PRLR: variants seen among roughly 807,000 people sequenced by gnomAD.
PRLR encodes the protein hPRL receptor.
PRLR carries 13 observed loss-of-function variants against 40.2 expected under a neutral mutation model. The observed-to-expected ratio is 0.32, with a 90% confidence interval of 0.21 to 0.51. The LOEUF (loss-of-function observed/expected upper bound fraction) is 0.51, where lower values mean the gene tolerates loss of function less well. PRLR is among the 20% of genes least tolerant of loss of function. The pLI is 0.97. For missense variants in PRLR, 656 were observed against 747.3 expected (o/e 0.88, Z 1.42); for synonymous variants, 269 against 278.7 (o/e 0.97, Z 0.35).
At chr5:35,132,109 C>T (rs1274886942) in intron 1 of PRLR, among the ~76,000 whole-genome samples, 1 of 152,164 alleles carries the variant, frequency 6.6e-6, no homozygotes, top group Non-Finnish European at 1.5e-5. Flanking sequence ...CCAGAAAAGT[C>T]ACTTATCTCT....
intron 1 of PRLR, among the ~76,000 whole-genome samples, chr5:35,159,718 G>A (rs1035328513): frequency 1.3e-5 from 2 of 152,114 alleles, no homozygotes; most frequent in African/African-American, 4.8e-5. Context: ...GAGTTTGGGG[G>A]CATTTTCTGT....
chr5:35,107,560 C>T (rs762121536), intron 2 of PRLR, among the ~76,000 whole-genome samples: 1 of 152,116 alleles, frequency 6.6e-6, no homozygotes, highest in Admixed American at 6.6e-5. Context: ...ACCAATCCCA[C>T]AGAAATACAA....
At chr5:35,068,065 T>G in intron 9 of PRLR, 151 bp downstream of exon 9, 1 of 669,978 alleles carries the variant, frequency 1.5e-6, no homozygotes, top group Non-Finnish European at 2.6e-6. Context: ...TCACACAACT[T>G]TCTGTTAACA....
intron 5 of PRLR, among the ~76,000 whole-genome samples, chr5:35,075,516 G>C (rs1387103401): frequency 6.6e-6 from 1 of 152,212 alleles, no homozygotes; most frequent in Non-Finnish European, 1.5e-5. Flanking sequence ...CCTGAGGCTT[G>C]AGATTGTAAA....
rs533161073 is a variant in PRLR at position 35,100,499 on chromosome 5, G to GTA, written c.-43-10837_-43-10836insTA. Among the ~76,000 whole-genome samples the GTA allele has an allele frequency of 2.0e-4, 30 of 152,224 alleles. No homozygotes were observed. In the East Asian group the frequency reaches 5.8e-3, roughly 29 times the overall value. ...TTTTACTATACCTTTCCTATGTTTA[G>GTA]ATACACAAATACTTACCATTGTGTT... On this transcript the variant is annotated intron_variant, in intron 2 of 9. Transcript: ENST00000618457.
chr5:35,137,432 T>A (rs557412921), intron 1 of PRLR, among the ~76,000 whole-genome samples: 1 of 152,108 alleles, frequency 6.6e-6, no homozygotes, highest in South Asian at 2.1e-4. Context: ...ATGCAGTGAG[T>A]TTCAGCCATT....
At position 35,114,925 on chromosome 5, in the gene PRLR, C is replaced by A. The variant is rs112972341; in HGVS notation, c.-44+3136G>T. Among the ~76,000 whole-genome samples, 419 of 152,308 alleles carry A rather than the reference C, an allele frequency of 2.8e-3. 5 individuals carry two copies. Among genetic ancestry groups the A allele is most frequent in the African/African-American group, 9.7e-3 (402 of 41,572 alleles). ...CTTTTGGAATTCGGTTCCTTCTACTCTTCTCTATCCCTGCCCACAGAGCTG... is the reference window on the plus strand; with the variant it reads ...CTTTTGGAATTCGGTTCCTTCTACTATTCTCTATCCCTGCCCACAGAGCTG... On this transcript the variant is annotated intron_variant, in intron 2 of 9. Transcript: ENST00000618457.
rs1773403335 is a variant in PRLR, at chr5:35,124,805, G to T, written c.-105-6683C>A. On this transcript the variant is annotated intron_variant, in intron 1 of 9. Coordinates refer to ENST00000618457, the MANE Select transcript of PRLR (RefSeq NM_000949.7). Reference sequence around the variant, plus strand: ...GCCCACCAGTCAATAGATTAACAGGGTTACCTTTGAATTTGTCCAGAGCCC... The same window carrying T: ...GCCCACCAGTCAATAGATTAACAGGTTTACCTTTGAATTTGTCCAGAGCCC... 2.6e-5 allele frequency among the ~76,000 whole-genome samples: 4 copies of T among 152,234 alleles called. No individual in the cohort carries two copies. The South Asian group carries it at 8.3e-4, about 32-fold the overall frequency.
chr5:35,066,708 A>C (rs1769390173), intron 9 of PRLR, among the ~76,000 whole-genome samples: 2 of 140,904 alleles, frequency 1.4e-5, no homozygotes, highest in Admixed American at 7.2e-5. Flanking sequence ...CCCTGCTTCT[A>C]TCCTTCCTTT....
intron 1 of PRLR, among the ~76,000 whole-genome samples, chr5:35,217,057 C>A (rs565895928): frequency 6.6e-5 from 10 of 152,302 alleles, no homozygotes; most frequent in African/African-American, 2.2e-4. Flanking sequence ...CTTAGCAAGC[C>A]TCTAGCTCCA....
chr5:35,050,203 A>T lies in PRLR; in HGVS notation c.1010-795T>A, dbSNP rs138854706. 3.8e-3 allele frequency among the ~76,000 whole-genome samples: 575 copies of T among 152,274 alleles called. 1 individual carries two copies. Among genetic ancestry groups the T allele is most frequent in the African/African-American group, 0.013 (553 of 41,536 alleles). The stretch of plus-strand genomic sequence containing the variant: ...CATGAGCCACTGCGCCCGGCCGGAC[A>T]AAACTATATTCTAAGATGTTTGTTC... On this transcript the variant is annotated intron_variant, in intron 8 of 8. Coordinates refer to the PRLR transcript ENST00000231423.
intron 1 of PRLR, among the ~76,000 whole-genome samples, chr5:35,203,484 C>A (rs995802749): frequency 3.3e-5 from 5 of 152,128 alleles, no homozygotes; most frequent in African/African-American, 9.7e-5. Context: ...GGAATTATTA[C>A]CCTGAATTTG....
At chr5:35,072,541 C>CT in intron 6 of PRLR, 34 bp downstream of exon 6, 1 of 1,598,352 alleles carries the variant, frequency 6.3e-7, no homozygotes, top group Middle Eastern at 1.7e-4. Flanking sequence ...TGCCAAAGGC[C>CT]ATAGTTCCTT....
intron 2 of PRLR, among the ~76,000 whole-genome samples, chr5:35,114,998 C>A (rs1772923658): frequency 6.6e-6 from 1 of 152,150 alleles, no homozygotes; most frequent in African/African-American, 2.4e-5. Flanking sequence ...CTGGAAGTAC[C>A]AGCCTCAGTC....
In PRLR at chr5:35,222,593, A is replaced by G. The variant is rs906769318; in HGVS notation, c.-106+7675T>C. Among the ~76,000 whole-genome samples the G allele has an allele frequency of 2.6e-5, 4 of 152,306 alleles. No homozygotes were observed. In the East Asian group the frequency reaches 7.7e-4, roughly 29 times the overall value. ...CTGTGACTGCCTATGGGTCATTGAC[A>G]CTCAGATAATCACAGTGTTGGCAGC... On this transcript the variant is annotated intron_variant, in intron 1 of 9. Coordinates refer to ENST00000618457, the MANE Select transcript of PRLR (RefSeq NM_000949.7).
At chr5:35,089,690 T>C in intron 2 of PRLR, 27 bp from the exon 3 acceptor site, 6 of 1,502,882 alleles carry the variant, frequency 4.0e-6, no homozygotes, top group South Asian at 1.1e-5. Context: ...CAGGTAACTT[T>C]TGTGAAATGG....
At chr5:35,107,581 G>T (rs999426860) in intron 2 of PRLR, among the ~76,000 whole-genome samples, 8 of 152,110 alleles carry the variant, frequency 5.3e-5, no homozygotes, top group African/African-American at 1.9e-4. Context: ...ACTACCATCA[G>T]AAAATACTAT....
chr5:35,188,588 A>G (rs1206945528), intron 1 of PRLR, among the ~76,000 whole-genome samples: 4 of 152,176 alleles, frequency 2.6e-5, no homozygotes, highest in African/African-American at 9.7e-5. Flanking sequence ...CAGCTTGGAG[A>G]ACGGGAAAGA....
At chr5:35,106,133 A>C (rs1233235974) in intron 2 of PRLR, among the ~76,000 whole-genome samples, 3 of 152,366 alleles carry the variant, frequency 2.0e-5, no homozygotes, top group Admixed American at 6.5e-5. Flanking sequence ...ACTAAGCTTC[A>C]TAAGTGAAGG....
Sources: allele counts gnomAD v4.1 joint callset (sites outside exome capture counted in the v4.1 genomes callset), GRCh38; gene constraint gnomAD v4.1.1; transcripts MANE v1.5; gene names NCBI Gene and HGNC (gene_info 2026-07-23, HGNC 2026-07-21).